UBE2R2: variants seen among roughly 807,000 people sequenced by gnomAD.
UBE2R2 encodes ubiquitin conjugating enzyme E2 R2.
In UBE2R2, 1 loss-of-function variant was observed where a neutral mutation model predicts 27.8. That is an observed-to-expected ratio of 0.04 (90% CI 0.01 to 0.17). The LOEUF (loss-of-function observed/expected upper bound fraction) is 0.17, where lower values mean the gene tolerates loss of function less well. Among genes scored for constraint, UBE2R2 ranks in the 10% least tolerant of loss-of-function variants. The pLI is 1.00. For missense variants in UBE2R2, 100 were observed against 291.0 expected (o/e 0.34, Z 4.78); for synonymous variants, 106 against 113.3 (o/e 0.94, Z 0.41).
intron 1 of UBE2R2, among the ~76,000 whole-genome samples, chr9:33,836,427 T>G (rs1377924731): frequency 6.6e-6 from 1 of 152,178 alleles, no homozygotes; most frequent in East Asian, 1.9e-4. Context: ...TCAGTGGTTT[T>G]TAGTCAGAAT....
Position 33,917,395 on chromosome 9 carries a change from T to A in UBE2R2, c.*158T>A. 9.0e-7 allele frequency: 1 copy of A among 1,111,004 alleles called. No homozygotes were observed. The highest frequency in any genetic ancestry group is 1.3e-6 in the Non-Finnish European group (1 of 792,638). The allele number at this position is 1,111,004 out of a possible 1,614,324, so 68.8% of individuals were successfully genotyped here. On this transcript the variant is annotated 3_prime_UTR_variant, in exon 5 of 5. Coordinates refer to ENST00000263228, the MANE Select transcript of UBE2R2 (RefSeq NM_017811.4). ...ACTCCCCTTATGGATCTCAGTTTGC[T>A]CCTTTTTATGGACCTTTAATGGAGA... is the stretch of plus-strand genomic sequence containing the variant.
chr9:33,847,747 A>ATTT lies in UBE2R2; in HGVS notation c.177+29833_177+29835dup, dbSNP rs367991925. On this transcript the variant is annotated intron_variant, in intron 1 of 4. Coordinates refer to ENST00000263228, the MANE Select transcript of UBE2R2 (RefSeq NM_017811.4). The stretch of plus-strand genomic sequence containing the variant: ...TGCTTCAGTTTGGATTTGACCTGAA[A>ATTT]TTTTTTTTTTTTTTTTTTTTTTGAG... Among the ~76,000 whole-genome samples the ATTT allele has an allele frequency of 1.6e-3, 167 of 105,004 alleles. 1 individual carries two copies. The highest frequency in any genetic ancestry group is 9.6e-3 in the South Asian group (30 of 3,134). The allele number at this position is 105,004 out of a possible 152,430, so 68.9% of individuals were successfully genotyped here.
At chr9:33,901,358 A>G (rs1009202599) in intron 3 of UBE2R2, among the ~76,000 whole-genome samples, 3 of 152,108 alleles carry the variant, frequency 2.0e-5, no homozygotes, top group Non-Finnish European at 4.4e-5. Context: ...GATACCTTTC[A>G]TCACCTGCCT....
intron 1 of UBE2R2, among the ~76,000 whole-genome samples, chr9:33,874,854 T>C: frequency 6.6e-6 from 1 of 152,000 alleles, no homozygotes; most frequent in South Asian, 2.1e-4. Context: ...TTTGTAGAGT[T>C]GGGGGTCTCG....
At chr9:33,898,333 G>T (rs1822168972) in intron 2 of UBE2R2, among the ~76,000 whole-genome samples, 2 of 152,066 alleles carry the variant, frequency 1.3e-5, no homozygotes, top group Admixed American at 1.3e-4. Flanking sequence ...GCCTGCCTCA[G>T]CCTCCCAAAG....
intron 1 of UBE2R2, among the ~76,000 whole-genome samples, chr9:33,867,747 T>G (rs372375686): frequency 6.6e-6 from 1 of 152,202 alleles, no homozygotes; most frequent in East Asian, 1.9e-4. Flanking sequence ...CCATTCTCCT[T>G]CCTCAGCCTC....
chr9:33,861,591 C>G (rs1563991655), intron 1 of UBE2R2, among the ~76,000 whole-genome samples: 1 of 143,336 alleles, frequency 7.0e-6, no homozygotes, highest in African/African-American at 2.6e-5. Context: ...GACCCTGTCT[C>G]AAAAAAAAAA....
At chr9:33,825,853 T>G (rs552648556) in intron 1 of UBE2R2, among the ~76,000 whole-genome samples, 13 of 152,160 alleles carry the variant, frequency 8.5e-5, no homozygotes, top group Non-Finnish European at 1.8e-4. Context: ...CTGAGTTGGT[T>G]GGATGCAGTG....
intron 2 of UBE2R2, among the ~76,000 whole-genome samples, chr9:33,898,179 G>A (rs868213900): frequency 9.9e-5 from 15 of 151,252 alleles, no homozygotes; most frequent in African/African-American, 3.2e-4. Flanking sequence ...TCTGCCTCCC[G>A]GGTTCAAGGG....
chr9:33,877,843 C>G lies in UBE2R2; in HGVS notation c.178-9038C>G, dbSNP rs1191295072. Among the ~76,000 whole-genome samples, 6 of 148,852 alleles carry G rather than the reference C, an allele frequency of 4.0e-5. No individual in the cohort carries two copies. The East Asian group carries it at 7.9e-4, about 20-fold the overall frequency. Reference sequence around the variant, plus strand: ...TGTCTGTCTCTCTCTCTCTCTCTCTCTCTCTCCCACTCTCCCTCCGTCTTT... The same window carrying G: ...TGTCTGTCTCTCTCTCTCTCTCTCTGTCTCTCCCACTCTCCCTCCGTCTTT... On this transcript the variant is annotated intron_variant, in intron 1 of 4. Transcript: ENST00000263228.
At chr9:33,833,196 C>A (rs1435899907) in intron 1 of UBE2R2, among the ~76,000 whole-genome samples, 1 of 152,162 alleles carries the variant, frequency 6.6e-6, no homozygotes, top group East Asian at 1.9e-4. Flanking sequence ...TCCCGAGTAG[C>A]TGGGATTACA....
intron 2 of UBE2R2, among the ~76,000 whole-genome samples, chr9:33,891,934 G>A (rs1404418455): frequency 6.6e-6 from 1 of 152,158 alleles, no homozygotes; most frequent in Non-Finnish European, 1.5e-5. Context: ...TTGGAAGGCT[G>A]AGGTGGGAGG....
chr9:33,885,646 A>G (rs1821838228), intron 1 of UBE2R2, among the ~76,000 whole-genome samples: 1 of 152,220 alleles, frequency 6.6e-6, no homozygotes, highest in African/African-American at 2.4e-5. Flanking sequence ...CTGCACAGCT[A>G]GAGTATAGGA....
At chr9:33,816,893 C>T (rs776296721), upstream of UBE2R2, among the ~76,000 whole-genome samples, 1 of 152,240 alleles carries the variant, frequency 6.6e-6, no homozygotes, top group Non-Finnish European at 1.5e-5. Context: ...CACGGCAATC[C>T]CTGCGCCCGC....
chr9:33,831,391 A>C (rs923940259), intron 1 of UBE2R2, among the ~76,000 whole-genome samples: 2 of 152,140 alleles, frequency 1.3e-5, no homozygotes, highest in Non-Finnish European at 2.9e-5. Flanking sequence ...TATTCAAAAG[A>C]ATATTTTCCT....
At chr9:33,828,372 C>T (rs1016927618) in intron 1 of UBE2R2, among the ~76,000 whole-genome samples, 2 of 148,710 alleles carry the variant, frequency 1.3e-5, no homozygotes, top group Non-Finnish European at 3.0e-5. Flanking sequence ...ATTTTGATGA[C>T]TTCAGTTTTT....
intron 2 of UBE2R2, 52 bp downstream of exon 2, chr9:33,887,019 G>C: frequency 2.7e-6 from 4 of 1,455,388 alleles, no homozygotes; most frequent in Non-Finnish European, 1.9e-6. Context: ...TTTTAAATCA[G>C]TACTTTAAAA....
chr9:33,858,708 A>G (rs1821159959), intron 1 of UBE2R2, among the ~76,000 whole-genome samples: 1 of 152,102 alleles, frequency 6.6e-6, no homozygotes, highest in Non-Finnish European at 1.5e-5. Flanking sequence ...TGCCAGGCCA[A>G]TATTAAATAT....
chr9:33,908,513 C>T (rs1822414677), intron 3 of UBE2R2, among the ~76,000 whole-genome samples: 1 of 146,484 alleles, frequency 6.8e-6, no homozygotes, highest in Non-Finnish European at 1.6e-5. Context: ...AGATCCTGCT[C>T]TTCAGACAGA....
Sources: gnomAD v4.1 joint callset for allele counts (sites outside exome capture counted in the v4.1 genomes callset) on GRCh38, gnomAD v4.1.1 for gene constraint, MANE v1.5 for transcripts, NCBI Gene and HGNC (gene_info 2026-07-23, HGNC 2026-07-21) for gene names.